ADCY1: variants seen among roughly 807,000 people sequenced by gnomAD.
ADCY1 encodes the protein adenylate cyclase 1, also known as adenylate cyclase type 1.
Under a neutral mutation model 105.4 loss-of-function variants are expected in ADCY1, and 28 were observed. That is an observed-to-expected ratio of 0.27 (90% CI 0.20 to 0.36). The LOEUF is 0.36. ADCY1 is among the 10% of genes least tolerant of loss of function. The pLI is 1.00. For synonymous variants in ADCY1, 655 were observed against 623.8 expected, an observed-to-expected ratio of 1.05 and a Z score of -0.75; for missense variants, 977 against 1,434.2, an observed-to-expected ratio of 0.68 and a Z score of 5.15.
chr7:45,713,089 C>T (rs1414776619), intron 19 of ADCY1, among the ~76,000 whole-genome samples: 1 of 152,166 alleles, frequency 6.6e-6, no homozygotes, highest in Admixed American at 6.5e-5. Context: ...TTGCCCTAGA[C>T]TCTACTCTTT....
Position 45,703,267 on chromosome 7 carries a change from C to A in ADCY1, c.2455-109C>A. 1.0e-6 allele frequency: 1 copy of A among 984,780 alleles called. No individual in the cohort carries two copies. Among genetic ancestry groups the A allele is most frequent in the Non-Finnish European group, 1.6e-6 (1 of 617,852 alleles). 61.0% of individuals were successfully genotyped at this position (984,780 alleles called of 1,614,324 possible). A position where few individuals can be genotyped will look rare whatever the true frequency, so the allele number is the denominator to read the frequency against. On this transcript the variant is annotated intron_variant, in intron 14 of 19. Transcript: ENST00000297323. The surrounding 1 kb of genome is among the most constrained non-coding windows in gnomAD (Gnocchi z 5.9). ...GGAGGGACAGGAGCGTGGATGTAGACCATCAGCACACCTGGAGTCCAGTTT... is the reference window on the plus strand; with the variant it reads ...GGAGGGACAGGAGCGTGGATGTAGAACATCAGCACACCTGGAGTCCAGTTT...
At chr7:45,585,505 G>A (rs938858055) in intron 1 of ADCY1, among the ~76,000 whole-genome samples, 6 of 149,974 alleles carry the variant, frequency 4.0e-5, no homozygotes, top group Admixed American at 1.3e-4. Context: ...GTGCAATGGC[G>A]CGATCTCATC....
At chr7:45,598,757 C>T (rs951068243) in intron 2 of ADCY1, among the ~76,000 whole-genome samples, 4 of 152,190 alleles carry the variant, frequency 2.6e-5, no homozygotes, top group African/African-American at 4.8e-5. Context: ...ATGAGTTAGA[C>T]AGAACTTCAA....
At chr7:45,594,169 C>G (rs974491341) in intron 2 of ADCY1, among the ~76,000 whole-genome samples, 1 of 151,896 alleles carries the variant, frequency 6.6e-6, no homozygotes, top group South Asian at 2.1e-4. Flanking sequence ...GCCTGTATGT[C>G]TGTGTGTGTA....
intron 14 of ADCY1, among the ~76,000 whole-genome samples, chr7:45,701,350 G>A (rs1360758341): frequency 1.3e-5 from 2 of 152,106 alleles, no homozygotes; most frequent in Admixed American, 6.5e-5. Context: ...GATTTGGGAA[G>A]GACAGCAGCT....
intron 4 of ADCY1, among the ~76,000 whole-genome samples, chr7:45,638,753 CTT>C (rs1217406045): frequency 6.6e-6 from 1 of 151,884 alleles, no homozygotes; most frequent in Non-Finnish European, 1.5e-5. Context: ...TGGAGCATGT[CTT>C]TTAAATGCTT....
At chr7:45,576,197 A>G (rs1240638011) in intron 1 of ADCY1, among the ~76,000 whole-genome samples, 1 of 152,206 alleles carries the variant, frequency 6.6e-6, no homozygotes, top group African/African-American at 2.4e-5. Flanking sequence ...GGGAGAGGTA[A>G]GGGGTCGGAG....
chr7:45,710,631 A>C lies in ADCY1; in HGVS notation c.3036A>C (p.Thr1012=), dbSNP rs751135112. 6.2e-7 allele frequency: 1 copy of C among 1,613,916 alleles called. No homozygotes were observed. The highest frequency in any genetic ancestry group is 1.7e-5 in the Admixed American group (1 of 60,000). ...ACGTGGCCAGTCGGATGGATAGCACAGGGGTCCAGGGCAGAATCCAGGTCA... is the reference window on the plus strand; with the variant it reads ...ACGTGGCCAGTCGGATGGATAGCACCGGGGTCCAGGGCAGAATCCAGGTCA... The part of the protein sequence containing the change: ...TVNVASRMDS[T]GVQGRIQVTE... The change falls in exon 19 of 20, where the codon ACA becomes ACC. Residue 1012 remains threonine, a synonymous_variant. Transcript: ENST00000297323. This position sits in a 1 kb window ranked among gnomAD's most constrained non-coding sequence, Gnocchi z 4.7.
At chr7:45,632,514 GAAAAAATTCTATACATTTCTC>G (rs1794284758) in intron 4 of ADCY1, among the ~76,000 whole-genome samples, 1 of 147,978 alleles carries the variant, frequency 6.8e-6, no homozygotes, top group Non-Finnish European at 1.5e-5. Context: ...AAAATGTATA[GAAAAAATTCTATACATTTCTC>G]AGAAATGTAT....
chr7:45,651,036 C>A (rs1030641291), intron 5 of ADCY1, among the ~76,000 whole-genome samples: 4 of 152,162 alleles, frequency 2.6e-5, no homozygotes, highest in Non-Finnish European at 5.9e-5. Flanking sequence ...CATCTCTACC[C>A]CTGCTACCTG....
chr7:45,623,288 G>A (rs1793951718), intron 4 of ADCY1, among the ~76,000 whole-genome samples: 1 of 152,240 alleles, frequency 6.6e-6, no homozygotes, highest in Admixed American at 6.5e-5. Flanking sequence ...GTCACATCTG[G>A]CAGCCAAGTT....
chr7:45,609,856 G>A (rs1462905687), intron 2 of ADCY1, among the ~76,000 whole-genome samples: 1 of 151,920 alleles, frequency 6.6e-6, no homozygotes, highest in Non-Finnish European at 1.5e-5. Context: ...TTCTCTTGGG[G>A]GAAAAAAGAA....
intron 11 of ADCY1, among the ~76,000 whole-genome samples, chr7:45,680,024 T>C (rs1003528831): frequency 6.6e-6 from 1 of 152,144 alleles, no homozygotes; most frequent in Non-Finnish European, 1.5e-5. Context: ...TGGGGTGGGA[T>C]AGGGGAGGCA....
chr7:45,662,236 G>A, intron 8 of ADCY1, 22 bp downstream of exon 8: 1 of 1,606,564 alleles, frequency 6.2e-7, no homozygotes, highest in South Asian at 1.1e-5. Context: ...CAGGGAGCCT[G>A]CCATGCTGGA....
At chr7:45,677,766 C>T (rs910618301) in intron 8 of ADCY1, 103 bp from the exon 9 acceptor site, 50 of 1,300,058 alleles carry the variant, frequency 3.8e-5, no homozygotes, top group Non-Finnish European at 4.8e-5. Flanking sequence ...TTCCCAAACC[C>T]GACCCCACCC....
intron 3 of ADCY1, among the ~76,000 whole-genome samples, chr7:45,611,444 C>T (rs116495191): frequency 1.4e-3 from 220 of 152,196 alleles, no homozygotes; most frequent in African/African-American, 5.2e-3. Flanking sequence ...ATTTTGGGCT[C>T]AGAATTTGCC....
Position 45,575,272 on chromosome 7 carries a change from A to T in ADCY1, c.639+90A>T. On this transcript the variant is annotated intron_variant, in intron 1 of 19. Coordinates refer to ENST00000297323, the MANE Select transcript of ADCY1 (RefSeq NM_021116.4). This position sits in a 1 kb window ranked among gnomAD's most constrained non-coding sequence, Gnocchi z 4.7. ...CCCGGAGTCGGGCGCGCTTTTTCCT[A>T]TGCGGCGGGTGGGGACACTGAGGCT... 1.4e-6 allele frequency: 2 copies of T among 1,460,846 alleles called. No individual in the cohort carries two copies. The highest frequency in any genetic ancestry group is 1.4e-5 in the South Asian group (1 of 71,560). 90.5% of individuals were successfully genotyped at this position (1,460,846 alleles called of 1,614,324 possible).
chr7:45,634,653 T>C (rs980821873), intron 4 of ADCY1, among the ~76,000 whole-genome samples: 1 of 152,180 alleles, frequency 6.6e-6, no homozygotes, highest in Non-Finnish European at 1.5e-5. Flanking sequence ...GACTTTAAGA[T>C]GATGGGAAAA....
At chr7:45,707,620 G>T (rs1421137930) in intron 17 of ADCY1, among the ~76,000 whole-genome samples, 1 of 152,170 alleles carries the variant, frequency 6.6e-6, no homozygotes, top group Non-Finnish European at 1.5e-5. Context: ...CATTTAGAAT[G>T]CATAGAATGG....
Sources: gnomAD v4.1 joint callset for allele counts (sites outside exome capture counted in the v4.1 genomes callset) on GRCh38, gnomAD v4.1.1 for gene constraint, Gnocchi (gnomAD v3.1) non-coding constraint, MANE v1.5 for transcripts, NCBI Gene and HGNC (gene_info 2026-07-23, HGNC 2026-07-21) for gene names.